The following CCDC171 variants were observed in gnomAD, a reference collection of about 807,000 sequenced individuals.
CCDC171 encodes the protein coiled-coil domain-containing protein 171.
In CCDC171, 177 loss-of-function variants were observed where a neutral mutation model predicts 168.2. That is an observed-to-expected ratio of 1.05 (90% confidence interval 0.93 to 1.19). The LOEUF (loss-of-function observed/expected upper bound fraction) is 1.19. Ranked by LOEUF, CCDC171 falls within the 50% of genes most tolerant of loss-of-function variation. CCDC171 has a pLI of 0.00. For missense variants in CCDC171, 1,991 were observed against 1,539.0 expected (o/e 1.29, Z -4.91); for synonymous variants, 687 against 540.8 (o/e 1.27, Z -3.75).
At chr9:15,690,058 C>G (rs1460249032) in intron 10 of CCDC171, among the ~76,000 whole-genome samples, 1 of 152,050 alleles carries the variant, frequency 6.6e-6, no homozygotes, top group Non-Finnish European at 1.5e-5. Flanking sequence ...AACTCCATCT[C>G]AAAACAACAA....
At chr9:16,081,530 T>C in the CCDC171 span, among the ~76,000 whole-genome samples, 1 of 152,174 alleles carries the variant, frequency 6.6e-6, no homozygotes, top group Admixed American at 6.5e-5. Flanking sequence ...TGACAGTCAA[T>C]TTGCAATCGT....
At chr9:15,960,097 A>C (rs1830199553) in intron 25 of CCDC171, among the ~76,000 whole-genome samples, 1 of 152,196 alleles carries the variant, frequency 6.6e-6, no homozygotes, top group Non-Finnish European at 1.5e-5. Flanking sequence ...GACCAGGGTA[A>C]CTTGACTCAC....
At chr9:15,880,541 C>T (rs1368496179) in intron 24 of CCDC171, among the ~76,000 whole-genome samples, 1 of 151,014 alleles carries the variant, frequency 6.6e-6, no homozygotes, top group African/African-American at 2.4e-5. Flanking sequence ...ATTCCAACCT[C>T]CCGCAACCGG....
chr9:15,943,533 T>G (rs1827957806), intron 25 of CCDC171, among the ~76,000 whole-genome samples: 1 of 152,016 alleles, frequency 6.6e-6, no homozygotes, highest in Non-Finnish European at 1.5e-5. Context: ...ATTTTTGATT[T>G]TGCAAAGCTT....
chr9:16,086,571 T>G, the CCDC171 span, among the ~76,000 whole-genome samples: 1 of 152,090 alleles, frequency 6.6e-6, no homozygotes, highest in Non-Finnish European at 1.5e-5. Flanking sequence ...CTCCCTATCA[T>G]TTTTTATTGT....
In CCDC171 at chr9:15,792,408, T is replaced by C. The variant is rs1347314042; in HGVS notation, c.3267+7714T>C. Among the ~76,000 whole-genome samples the C allele has an allele frequency of 2.6e-5, 4 of 152,262 alleles. No homozygotes were observed. In the East Asian group the frequency reaches 7.7e-4, roughly 29 times the overall value. ...AGTTGGAAAACACTCTTCAGGATAT[T>C]ATCCAGGAGAACTTCCCCAACCTAG... On this transcript the variant is annotated intron_variant, in intron 21 of 25. Transcript: ENST00000380701.
At chr9:16,059,040 G>T (rs888333462) in intron 1 of CCDC171, among the ~76,000 whole-genome samples, 2 of 152,088 alleles carry the variant, frequency 1.3e-5, no homozygotes, top group Non-Finnish European at 2.9e-5. Context: ...GAAGCAAAAT[G>T]GTCTGTTCCT....
chr9:15,778,735 C>G (rs933042608), intron 19 of CCDC171, among the ~76,000 whole-genome samples: 10 of 149,108 alleles, frequency 6.7e-5, no homozygotes, highest in Non-Finnish European at 1.2e-4. Context: ...GAGACCTAAA[C>G]AGCTGTCAAT....
At chr9:15,607,398 A>G (rs2043307613) in intron 6 of CCDC171, among the ~76,000 whole-genome samples, 1 of 152,004 alleles carries the variant, frequency 6.6e-6, no homozygotes, top group Admixed American at 6.6e-5. Flanking sequence ...TTATTTTAGT[A>G]TTTTTGTTTT....
intron 25 of CCDC171, among the ~76,000 whole-genome samples, chr9:15,924,221 T>A (rs1825652365): frequency 6.6e-6 from 1 of 151,318 alleles, no homozygotes; most frequent in Non-Finnish European, 1.5e-5. Context: ...ACAAGGGAGT[T>A]AGGAAGGAGT....
At position 15,778,170 on chromosome 9, in the gene CCDC171, G is replaced by A. The variant is rs568635503; in HGVS notation, c.2898+344G>A. 2.7e-3 allele frequency among the ~76,000 whole-genome samples: 407 copies of A among 151,594 alleles called. 2 individuals carry two copies. Among genetic ancestry groups the A allele is most frequent in the Non-Finnish European group, 4.6e-3 (315 of 67,844 alleles). On this transcript the variant is annotated intron_variant, in intron 19 of 25. Coordinates refer to ENST00000380701, the MANE Select transcript of CCDC171 (RefSeq NM_173550.4). ...AAATTAGCCCGGCGCGGTGGCGGGCGCCTGTAGTCCCAGCTACTCGGGAGG... is the reference window on the plus strand; with the variant it reads ...AAATTAGCCCGGCGCGGTGGCGGGCACCTGTAGTCCCAGCTACTCGGGAGG...
chr9:15,952,763 T>G (rs1829350358), intron 25 of CCDC171, among the ~76,000 whole-genome samples: 1 of 152,162 alleles, frequency 6.6e-6, no homozygotes, highest in Admixed American at 6.6e-5. Context: ...CTCTGTAGAT[T>G]GCCTTGAGTG....
chr9:15,665,625 A>G (rs1227176597), intron 8 of CCDC171, among the ~76,000 whole-genome samples: 2 of 152,132 alleles, frequency 1.3e-5, no homozygotes, highest in African/African-American at 2.4e-5. Context: ...TACAAAAAAT[A>G]AAACAATTAG....
intron 21 of CCDC171, among the ~76,000 whole-genome samples, chr9:15,791,703 C>T (rs2058273401): frequency 1.3e-5 from 2 of 152,206 alleles, no homozygotes; most frequent in Admixed American, 6.5e-5. Flanking sequence ...CTGCTGATAC[C>T]CGGCAAACAG....
intron 21 of CCDC171, among the ~76,000 whole-genome samples, chr9:15,826,588 G>T (rs567799509): frequency 6.6e-6 from 1 of 152,256 alleles, no homozygotes; most frequent in Admixed American, 6.5e-5. Flanking sequence ...CATTCTCTGG[G>T]AAAGCCTGGG....
At chr9:15,602,647 CT>C (rs1161286304) in intron 6 of CCDC171, among the ~76,000 whole-genome samples, 11 of 30,500 alleles carry the variant, frequency 3.6e-4, no homozygotes, top group East Asian at 1.8e-3. Context: ...TTTTTTTTTT[CT>C]TTTTTTTTTT....
chr9:15,824,505 C>T (rs758775407), intron 21 of CCDC171, among the ~76,000 whole-genome samples: 7 of 151,788 alleles, frequency 4.6e-5, no homozygotes, highest in Non-Finnish European at 8.8e-5. Context: ...GGTATGCTGC[C>T]CCCAGGTGTT....
chr9:15,701,189 G>A (rs559852110), intron 11 of CCDC171, among the ~76,000 whole-genome samples: 1 of 152,224 alleles, frequency 6.6e-6, no homozygotes, highest in African/African-American at 2.4e-5. Context: ...CATTCTACAG[G>A]TTGTCTCTTC....
chr9:15,861,473 A>AT (rs969914403), intron 23 of CCDC171, among the ~76,000 whole-genome samples: 7 of 150,654 alleles, frequency 4.6e-5, no homozygotes, highest in African/African-American at 1.5e-4. Flanking sequence ...TGTTTCGTTG[A>AT]TTTTTTTTGT....
Sources: allele counts gnomAD v4.1 joint callset (sites outside exome capture counted in the v4.1 genomes callset), GRCh38; gene constraint gnomAD v4.1.1; transcripts MANE v1.5; gene names NCBI Gene and HGNC (gene_info 2026-07-23, HGNC 2026-07-21).